Variants in BOC observed in about 807,000 individuals in gnomAD.
BOC encodes brother of CDO.
In BOC, 76 loss-of-function variants were observed where a neutral mutation model predicts 112.0. The ratio of observed to expected loss-of-function variants is 0.68; its 90% confidence interval spans 0.56 to 0.82. The LOEUF is 0.82. BOC is among the 40% of genes least tolerant of loss of function. The pLI is 0.00. For synonymous variants in BOC, 580 were observed against 599.8 expected, an observed-to-expected ratio of 0.97 and a Z score of 0.48; for missense variants, 1,309 against 1,511.7, an observed-to-expected ratio of 0.87 and a Z score of 2.22.
chr3:113,250,949 C>A, intron 4 of BOC, 116 bp downstream of exon 4: 1 of 1,323,970 alleles, frequency 7.6e-7, no homozygotes, highest in Non-Finnish European at 1.0e-6. Flanking sequence ...TGGGCCTTAA[C>A]TGCAGAAATG....
Position 113,284,429 on chromosome 3 carries a change from C to G in BOC, c.2751C>G (p.Ala917=), listed in dbSNP as rs1949482597. ...TGGGAGGACTCCCAGGCCACCAGGC[C>G]AGTGGACAGCCCTACCTCAGTGGCA... is the stretch of plus-strand genomic sequence containing the variant. ...VPLGGLPGHQ[A]SGQPYLSGIS... Residue 917 remains alanine (A), a synonymous_variant, in exon 17 of 20, where the codon GCC becomes GCG. Transcript: ENST00000682979. 6.2e-7 allele frequency: 1 copy of G among 1,614,142 alleles called. No homozygotes were observed. Among genetic ancestry groups the G allele is most frequent in the Non-Finnish European group, 8.5e-7 (1 of 1,180,048 alleles).
chr3:113,246,689 C>T (rs1944957989), intron 2 of BOC, among the ~76,000 whole-genome samples: 1 of 143,374 alleles, frequency 7.0e-6, no homozygotes, highest in South Asian at 2.4e-4. Flanking sequence ...CAAACATAGC[C>T]ATATTTTTTG....
chr3:113,212,446 C>A (rs992205969), intron 1 of BOC: 1 of 152,282 alleles, frequency 6.6e-6, no homozygotes, highest in African/African-American at 2.4e-5. Context: ...GCCCCATGCT[C>A]CAGGCCGTGG....
chr3:113,279,267 G>C lies in BOC; in HGVS notation c.1835G>C (p.Arg612Thr). The change falls in exon 12 of 20, where the codon AGG (arginine) becomes ACG (threonine). Residue 612 changes from arginine (R) to threonine (T), a missense_variant. Transcript: ENST00000682979. The stretch of plus-strand genomic sequence containing the variant: ...TTCCCAGCCCCAGAAGCTCCCGACA[G>C]GCCCACCATCTCCACGGCCTCCGAG... ...GRLSPPEAPDRPTISTASETS... is the reference protein window; with the variant it reads ...GRLSPPEAPDTPTISTASETS... The C allele has an allele frequency of 6.2e-7, 1 of 1,613,762 alleles. No individual in the cohort carries two copies. Among genetic ancestry groups the C allele is most frequent in the Non-Finnish European group, 8.5e-7 (1 of 1,179,808 alleles).
At chr3:113,213,516 A>G (rs1320389321) in intron 1 of BOC, among the ~76,000 whole-genome samples, 1 of 152,238 alleles carries the variant, frequency 6.6e-6, no homozygotes, top group Non-Finnish European at 1.5e-5. Context: ...TAAGGGCAGC[A>G]TGGAAAATAT....
chr3:113,282,026 A>T (rs1376723896), intron 15 of BOC, among the ~76,000 whole-genome samples: 1 of 152,166 alleles, frequency 6.6e-6, no homozygotes, highest in Non-Finnish European at 1.5e-5. Context: ...TTCTGGAAGG[A>T]CCGAGTCTTA....
intron 4 of BOC, among the ~76,000 whole-genome samples, chr3:113,265,720 G>A (rs376440068): frequency 1.7e-3 from 262 of 152,252 alleles, no homozygotes; most frequent in Admixed American, 2.4e-3. Flanking sequence ...GCCAGGACTG[G>A]GCTAAATAAT....
intron 2 of BOC, among the ~76,000 whole-genome samples, chr3:113,230,321 A>G (rs889038131): frequency 6.6e-6 from 1 of 152,198 alleles, no homozygotes; most frequent in Non-Finnish European, 1.5e-5. Flanking sequence ...GAATCTGCCA[A>G]ACCAATCCAT....
Position 113,280,579 on chromosome 3 carries a change from A to T in BOC, c.2227A>T (p.Asn743Tyr). The T allele has an allele frequency of 6.2e-7, 1 of 1,610,948 alleles. No homozygotes were observed. Among genetic ancestry groups the T allele is most frequent in the Non-Finnish European group, 8.5e-7 (1 of 1,177,084 alleles). ...ATAGTACATCCCAGCAAGTAACAACAACACCCCAATCCATGGCTTTTATAT... is the reference window on the plus strand; with the variant it reads ...ATAGTACATCCCAGCAAGTAACAACTACACCCCAATCCATGGCTTTTATAT... ...KWMYIPASNN[N>Y]TPIHGFYIYY... Residue 743 changes from asparagine (N) to tyrosine (Y), a missense_variant, in exon 14 of 20, where the codon AAC becomes TAC. Physicochemically the swap from Asn to Tyr is moderately radical, Grantham distance 143. Transcript: ENST00000682979.
intron 4 of BOC, among the ~76,000 whole-genome samples, chr3:113,264,702 T>A (rs961673817): frequency 3.3e-5 from 5 of 152,184 alleles, no homozygotes; most frequent in Admixed American, 1.3e-4. Flanking sequence ...GTCCTCTGAT[T>A]TTCAGATCAT....
At chr3:113,233,162 T>G (rs1346587424) in intron 2 of BOC, among the ~76,000 whole-genome samples, 3 of 149,252 alleles carry the variant, frequency 2.0e-5, no homozygotes, top group African/African-American at 7.5e-5. Flanking sequence ...TGTGTGTGTG[T>G]GTGTGTGTGT....
chr3:113,283,296 A>T, intron 15 of BOC, 115 bp from the exon 16 acceptor site: 1 of 1,021,156 alleles, frequency 9.8e-7, no homozygotes, highest in Non-Finnish European at 1.4e-6. Flanking sequence ...GGCCCAATCT[A>T]GTGAGTCTGA....
chr3:113,254,536 G>C (rs1415334181), intron 4 of BOC, among the ~76,000 whole-genome samples: 1 of 152,188 alleles, frequency 6.6e-6, no homozygotes, highest in Non-Finnish European at 1.5e-5. Flanking sequence ...TGTTTTGCTG[G>C]TTGGCTGATG....
intron 2 of BOC, among the ~76,000 whole-genome samples, chr3:113,230,290 C>T (rs1371255680): frequency 6.6e-6 from 1 of 152,190 alleles, no homozygotes; most frequent in Non-Finnish European, 1.5e-5. Flanking sequence ...TTCAGGAGTA[C>T]GTATGCAGAG....
chr3:113,280,197 A>C (rs1576500738), intron 13 of BOC, among the ~76,000 whole-genome samples, 192 bp downstream of exon 13: 1 of 151,624 alleles, frequency 6.6e-6, no homozygotes, highest in African/African-American at 2.4e-5. Context: ...GGTAGACCTC[A>C]CCCTCCTTCC....
chr3:113,244,413 G>C (rs1278609948), intron 2 of BOC, among the ~76,000 whole-genome samples: 1 of 152,194 alleles, frequency 6.6e-6, no homozygotes, highest in Non-Finnish European at 1.5e-5. Context: ...AGGCTGGCTA[G>C]AGCATGACTT....
intron 4 of BOC, among the ~76,000 whole-genome samples, chr3:113,258,464 T>C (rs1946466860): frequency 6.6e-6 from 1 of 152,214 alleles, no homozygotes. Context: ...ACTTAGAGTG[T>C]TTTTTCCAGT....
intron 2 of BOC, among the ~76,000 whole-genome samples, chr3:113,233,263 G>T (rs1942955088): frequency 6.6e-6 from 1 of 150,958 alleles, no homozygotes; most frequent in African/African-American, 2.4e-5. Context: ...AGGCCAAGAT[G>T]CAGCAGCCTG....
At position 113,270,912 on chromosome 3, in the gene BOC, C is replaced by T. The variant is rs777203851; in HGVS notation, c.635C>T (p.Thr212Ile). 3 of 1,614,102 alleles carry T rather than the reference C, an allele frequency of 1.9e-6. No individual in the cohort carries two copies. Among genetic ancestry groups the T allele is most frequent in the Non-Finnish European group, 2.5e-6 (3 of 1,180,048 alleles). The change falls in exon 6 of 20, where the codon ACC (threonine) becomes ATC (isoleucine). Residue 212 changes from threonine to isoleucine, a missense_variant. Transcript: ENST00000682979. The part of the protein sequence containing the change: ...AYNPVTQEVK[T>I]SGSSDRLRVR... ...AACCCAGTGACCCAGGAAGTGAAAA[C>T]CTCCGGCTCCAGCGACAGGCTACGT... is the stretch of plus-strand genomic sequence containing the variant.
Sources: allele counts gnomAD v4.1 joint callset (sites outside exome capture counted in the v4.1 genomes callset), GRCh38; gene constraint gnomAD v4.1.1; transcripts MANE v1.5; gene names NCBI Gene and HGNC (gene_info 2026-07-23, HGNC 2026-07-21).